OSBPL1A: variants seen among roughly 807,000 people sequenced by gnomAD.
OSBPL1A encodes oxysterol-binding protein-related protein 1.
Under a neutral mutation model 137.1 loss-of-function variants are expected in OSBPL1A, and 80 were observed. The observed-to-expected ratio is 0.58, with a 90% CI of 0.49 to 0.70. The LOEUF is 0.70. Among genes scored for constraint, OSBPL1A ranks in the 30% least tolerant of loss-of-function variants. The pLI is 0.00. For missense variants in OSBPL1A, 970 were observed against 1,129.4 expected (o/e 0.86, Z 2.02); for synonymous variants, 365 against 389.7 (o/e 0.94, Z 0.75).
intron 12 of OSBPL1A, among the ~76,000 whole-genome samples, chr18:24,313,535 G>T (rs927356994): frequency 6.6e-6 from 1 of 152,106 alleles, no homozygotes; most frequent in African/African-American, 2.4e-5. Context: ...CACTAGGAAG[G>T]CTGAGTCTCC....
chr18:24,216,420 T>C (rs1033110033), intron 17 of OSBPL1A, among the ~76,000 whole-genome samples: 4 of 152,134 alleles, frequency 2.6e-5, no homozygotes, highest in Non-Finnish European at 4.4e-5. Flanking sequence ...GGCAGGAGAA[T>C]TGCTTGAACC....
Position 24,271,791 on chromosome 18 carries a change from T to G in OSBPL1A, c.1281+9051A>C, listed in dbSNP as rs988434128. 2.0e-6 allele frequency: 2 copies of G among 985,258 alleles called. No individual in the cohort carries two copies. Among genetic ancestry groups the G allele is most frequent in the Non-Finnish European group, 2.4e-6 (2 of 829,962 alleles). The allele number at this position is 985,258 out of a possible 1,614,324, so 61.0% of individuals were successfully genotyped here. A position where few individuals can be genotyped will look rare whatever the true frequency, so the allele number is the denominator to read the frequency against. On this transcript the variant is annotated intron_variant, in intron 15 of 27. Coordinates refer to ENST00000319481, the MANE Select transcript of OSBPL1A (RefSeq NM_080597.4). This position sits in a 1 kb window ranked among gnomAD's most constrained non-coding sequence, Gnocchi z 4.0. ...CCGCAAGGTCTCCCTAAGTCACCTT[T>G]GCGCAGCCTGCCCCTGGCTCCGGCC...
chr18:24,168,469 ATTTCCTCGGGCTCCCC>A (rs1408634763), intron 24 of OSBPL1A, among the ~76,000 whole-genome samples: 15 of 152,316 alleles, frequency 9.8e-5, no homozygotes, highest in African/African-American at 3.4e-4. Context: ...GGGAGCCAGC[ATTTCCTCGGGCTCCCC>A]TCTCCGCGGC....
Position 24,317,552 on chromosome 18 carries a change from A to ACCTTAGGTAC in OSBPL1A, c.733-153_733-152insGTACCTAAGG, listed in dbSNP as rs542037239. On this transcript the variant is annotated intron_variant, in intron 9 of 27. Transcript: ENST00000319481. ...AAAATGATCAAACATGAACTTAGGT[A>ACCTTAGGTAC]CTAAGTGCAGTAATGAAAACATACC... 6.1e-4 allele frequency: 407 copies of ACCTTAGGTAC among 670,958 alleles called. 3 individuals are homozygous for ACCTTAGGTAC. Among genetic ancestry groups the ACCTTAGGTAC allele is most frequent in the South Asian group, 4.8e-3 (265 of 55,272 alleles). 41.6% of individuals were successfully genotyped at this position (670,958 alleles called of 1,614,324 possible).
At chr18:24,235,235 A>G (rs2088428056) in intron 16 of OSBPL1A, among the ~76,000 whole-genome samples, 1 of 152,210 alleles carries the variant, frequency 6.6e-6, no homozygotes, top group South Asian at 2.1e-4. Context: ...AGGCTAGAGG[A>G]AAGTAGGTGC....
chr18:24,212,972 C>G (rs921757459), intron 17 of OSBPL1A, among the ~76,000 whole-genome samples: 2 of 152,186 alleles, frequency 1.3e-5, no homozygotes, highest in African/African-American at 4.8e-5. Context: ...GTACCCTGTA[C>G]CTAGTTTCAG....
At chr18:24,295,183 TTA>T (rs1369462924) in intron 14 of OSBPL1A, among the ~76,000 whole-genome samples, 4 of 152,230 alleles carry the variant, frequency 2.6e-5, no homozygotes, top group African/African-American at 9.7e-5. Flanking sequence ...GAGCATTTTT[TTA>T]TATGTTTGTT....
chr18:24,359,246 A>G (rs372007671), intron 4 of OSBPL1A, among the ~76,000 whole-genome samples: 3 of 150,420 alleles, frequency 2.0e-5, no homozygotes, highest in East Asian at 2.1e-4. Flanking sequence ...CAGAGAGAGA[A>G]AGAGAGAGAT....
chr18:24,341,596 C>G lies in OSBPL1A; in HGVS notation c.345G>C (p.Gln115His). The G allele has an allele frequency of 1.2e-6, 2 of 1,613,380 alleles. No individual in the cohort carries two copies. The highest frequency in any genetic ancestry group is 8.5e-7 in the Non-Finnish European group (1 of 1,179,702). The stretch of plus-strand genomic sequence containing the variant: ...CAGCATGAGTAACTTCTTTTGCTGT[C>G]TGTCCACTCCCATTAACAATAGTAG... The part of the protein sequence containing the change: ...ADTTIVNGSG[Q>H]TAKEVTHAEE... Residue 115 changes from glutamine to histidine, a missense_variant, in exon 5 of 28, where the codon CAG (glutamine) becomes CAC (histidine). Physicochemically the swap from Gln to His is conservative, Grantham distance 24. Coordinates refer to ENST00000319481, the MANE Select transcript of OSBPL1A (RefSeq NM_080597.4).
intron 4 of OSBPL1A, among the ~76,000 whole-genome samples, chr18:24,365,581 C>T (rs1212289397): frequency 6.9e-6 from 1 of 143,886 alleles, no homozygotes; most frequent in East Asian, 2.0e-4. Flanking sequence ...AAGACTCGGT[C>T]TCAAAAAAAA....
chr18:24,385,534 C>G (rs1906906336), intron 1 of OSBPL1A, among the ~76,000 whole-genome samples: 1 of 152,042 alleles, frequency 6.6e-6, no homozygotes, highest in Non-Finnish European at 1.5e-5. Flanking sequence ...GGAAGAGGAG[C>G]TGGCAAAAAA....
chr18:24,280,752 T>G, intron 15 of OSBPL1A, 90 bp downstream of exon 15: 3 of 854,788 alleles, frequency 3.5e-6, no homozygotes, highest in Non-Finnish European at 5.0e-6. Context: ...TTTTCCTACC[T>G]TTGAACAATT....
At chr18:24,231,476 G>C (rs1341995346) in intron 16 of OSBPL1A, among the ~76,000 whole-genome samples, 1 of 152,112 alleles carries the variant, frequency 6.6e-6, no homozygotes, top group African/African-American at 2.4e-5. Context: ...TTTTAGTAGA[G>C]ATGGGGTTTC....
At chr18:24,170,554 C>G (rs2086252654) in intron 23 of OSBPL1A, 101 bp from the exon 24 acceptor site, 1 of 1,326,196 alleles carries the variant, frequency 7.5e-7, no homozygotes. Flanking sequence ...GAGTACTAAC[C>G]AGGCCTGACC....
chr18:24,341,855 A>G (rs530760892), intron 4 of OSBPL1A, among the ~76,000 whole-genome samples, 197 bp from the exon 5 acceptor site: 2 of 152,328 alleles, frequency 1.3e-5, no homozygotes, highest in African/African-American at 2.4e-5. Context: ...ACAATTGCCA[A>G]TCCACAATTG....
At chr18:24,218,844 G>A (rs1414825690) in intron 17 of OSBPL1A, among the ~76,000 whole-genome samples, 1 of 152,158 alleles carries the variant, frequency 6.6e-6, no homozygotes, top group African/African-American at 2.4e-5. Flanking sequence ...AAGCATGTGA[G>A]GTATGCATAT....
chr18:24,389,330 A>G (rs1453287363), intron 1 of OSBPL1A, among the ~76,000 whole-genome samples: 1 of 152,132 alleles, frequency 6.6e-6, no homozygotes, highest in Non-Finnish European at 1.5e-5. Context: ...TTTTTGCCTT[A>G]TGTTTTCTCT....
At chr18:24,378,393 C>T (rs1906349302) in intron 1 of OSBPL1A, among the ~76,000 whole-genome samples, 1 of 152,142 alleles carries the variant, frequency 6.6e-6, no homozygotes, top group Non-Finnish European at 1.5e-5. Flanking sequence ...AGCAATTTGG[C>T]AATATCAAAT....
intron 12 of OSBPL1A, among the ~76,000 whole-genome samples, chr18:24,314,006 G>A (rs1282028035): frequency 1.3e-5 from 2 of 152,170 alleles, no homozygotes; most frequent in African/African-American, 2.4e-5. Flanking sequence ...TCAGGAGGCC[G>A]AGGCATGAGA....
Sources: allele counts gnomAD v4.1 joint callset (sites outside exome capture counted in the v4.1 genomes callset), GRCh38; gene constraint gnomAD v4.1.1; non-coding constraint Gnocchi (gnomAD v3.1); transcripts MANE v1.5; gene names NCBI Gene and HGNC (gene_info 2026-07-23, HGNC 2026-07-21).